The following C9orf152 variants were observed in gnomAD, a reference collection of about 807,000 sequenced individuals.
C9orf152 encodes the protein chromosome 9 open reading frame 152.
In C9orf152, 8 loss-of-function variants were observed where a neutral mutation model predicts 8.5. The observed-to-expected ratio is 0.94, with a 90% CI of 0.55 to 1.70. C9orf152 has a LOEUF of 1.70. C9orf152 is among the 40% of genes most tolerant of loss of function. The pLI is 0.00. For synonymous variants in C9orf152, 109 were observed against 113.0 expected, an observed-to-expected ratio of 0.96 and a Z score of 0.22; for missense variants, 293 against 286.2, an observed-to-expected ratio of 1.02 and a Z score of -0.17.
In C9orf152 at chr9:110,201,431, A is replaced by G. The variant is rs1338046390; in HGVS notation, c.237T>C (p.Val79=). The part of the protein sequence containing the change: ...PAPAESMVNA[V]WINKERRSSL... ...AGCTTCTTCTCTCCTTGTTAATCCA[A>G]ACAGCATTGACCATCGATTCTGCAG... The change falls in exon 2 of 2, where the codon GTT becomes GTC. Residue 79 remains valine, a synonymous_variant. Coordinates refer to ENST00000400613, the MANE Select transcript of C9orf152 (RefSeq NM_001012993.3). 3 of 1,534,646 alleles carry G rather than the reference A, an allele frequency of 2.0e-6. No homozygotes were observed. The South Asian group carries it at 3.9e-5, about 20-fold the overall frequency.
intron 1 of C9orf152, 69 bp from the exon 2 acceptor site, chr9:110,201,543 CAT>C: frequency 7.5e-7 from 1 of 1,333,262 alleles, no homozygotes; most frequent in Non-Finnish European, 1.0e-6. Context: ...TAGGGGGTCT[CAT>C]TGCTTTCAAG....
At chr9:110,207,123 C>A (rs147185474) in intron 1 of C9orf152, among the ~76,000 whole-genome samples, 133 of 152,358 alleles carry the variant, frequency 8.7e-4, no homozygotes, top group Non-Finnish European at 1.5e-3. Context: ...GGGGGCCAAG[C>A]CTGGCTCACC....
Position 110,200,920 on chromosome 9 carries a change from G to T in C9orf152, c.*28C>A. ...CTATAAGGCCATAGGTGGCCTCAAG[G>T]TCAAGACATCTGGCAGAATAGAAAG... On this transcript the variant is annotated 3_prime_UTR_variant, in exon 2 of 2. Transcript: ENST00000400613. 1.9e-6 allele frequency: 3 copies of T among 1,565,506 alleles called. No homozygotes were observed. The highest frequency in any genetic ancestry group is 2.6e-6 in the Non-Finnish European group (3 of 1,160,228).
intron 1 of C9orf152, among the ~76,000 whole-genome samples, chr9:110,202,330 G>T (rs990174263): frequency 6.6e-6 from 1 of 152,162 alleles, no homozygotes; most frequent in Non-Finnish European, 1.5e-5. Context: ...TGATCCGCCC[G>T]CCTCAGACTC....
chr9:110,201,228 G>A lies in C9orf152; in HGVS notation c.440C>T (p.Ser147Phe), dbSNP rs749079859. 2 of 1,614,102 alleles carry A rather than the reference G, an allele frequency of 1.2e-6. No homozygotes were observed. Among genetic ancestry groups the A allele is most frequent in the Non-Finnish European group, 8.5e-7 (1 of 1,180,030 alleles). ...TCCTTCAGGAGGGAGCCTTTGATCA[G>A]ATCCCACAAGCTTGCCCCTATGATG... ...QVHHRGKLVG[S>F]DQRLPPEGDT... The change falls in exon 2 of 2, where the codon TCT (serine) becomes TTT (phenylalanine). Residue 147 changes from serine to phenylalanine, a missense_variant. By Grantham distance (155) the Ser-to-Phe change is radical (BLOSUM62 -2). Coordinates refer to ENST00000400613, the MANE Select transcript of C9orf152 (RefSeq NM_001012993.3).
In C9orf152 at chr9:110,201,482, G is replaced by A. The variant is rs765206256; in HGVS notation, c.194-8C>T. Reference sequence around the variant, plus strand: ...GAGCAGGTGTGTTTCCTCCTGAAAAGAGAATGCACCAGCAGGGTCATCACT... The same window carrying A: ...GAGCAGGTGTGTTTCCTCCTGAAAAAAGAATGCACCAGCAGGGTCATCACT... On this transcript the variant is annotated splice_polypyrimidine_tract_variant and splice_region_variant and intron_variant, in intron 1 of 1. Transcript: ENST00000400613. 2.7e-6 allele frequency: 4 copies of A among 1,503,760 alleles called. No individual in the cohort carries two copies. The highest frequency in any genetic ancestry group is 4.6e-5 in the Admixed American group (2 of 43,936). 93.2% of individuals were successfully genotyped at this position (1,503,760 alleles called of 1,614,324 possible).
chr9:110,207,600 A>C lies in C9orf152; in HGVS notation c.-21T>G, dbSNP rs1450265647. 6.4e-7 allele frequency: 1 copy of C among 1,560,390 alleles called. No individual in the cohort carries two copies. Among genetic ancestry groups the C allele is most frequent in the Non-Finnish European group, 8.6e-7 (1 of 1,156,786 alleles). ...TCCATCCGGATCCGGGAGAAAAGCA[A>C]ACACAGCTGGGTGGGGCAGGACCTG... On this transcript the variant is annotated 5_prime_UTR_variant, in exon 1 of 2. Transcript: ENST00000400613.
Position 110,200,885 on chromosome 9 carries a change from C to T in C9orf152, c.*63G>A. The stretch of plus-strand genomic sequence containing the variant: ...AGAGACCTCGTTGTGGCTCTGCCTC[C>T]TTGGTTCTTCTATAAGGCCATAGGT... On this transcript the variant is annotated 3_prime_UTR_variant, in exon 2 of 2. Transcript: ENST00000400613. 5 of 1,500,270 alleles carry T rather than the reference C, an allele frequency of 3.3e-6. No individual in the cohort carries two copies. The highest frequency in any genetic ancestry group is 2.3e-5 in the East Asian group (1 of 44,212). The allele number at this position is 1,500,270 out of a possible 1,614,324, so 92.9% of individuals were successfully genotyped here. A position where few individuals can be genotyped will look rare whatever the true frequency, so the allele number is the denominator to read the frequency against.
chr9:110,200,757 C>T lies in C9orf152; in HGVS notation c.*191G>A, dbSNP rs1221709250. 3.3e-6 allele frequency: 2 copies of T among 609,666 alleles called. No individual in the cohort carries two copies. Among genetic ancestry groups the T allele is most frequent in the Non-Finnish European group, 5.6e-6 (2 of 358,722 alleles). 37.8% of individuals were successfully genotyped at this position (609,666 alleles called of 1,614,324 possible). ...CATCCTAAACTGTGGGCAATTTGGCCTGGGAAGTCTCTTCTTATTGGAAGG... is the reference window on the plus strand; with the variant it reads ...CATCCTAAACTGTGGGCAATTTGGCTTGGGAAGTCTCTTCTTATTGGAAGG... On this transcript the variant is annotated 3_prime_UTR_variant, in exon 2 of 2. Transcript: ENST00000400613.
chr9:110,207,647 G>A lies in C9orf152; in HGVS notation c.-68C>T. 2 of 1,218,040 alleles carry A rather than the reference G, an allele frequency of 1.6e-6. No homozygotes were observed. The highest frequency in any genetic ancestry group is 2.2e-6 in the Non-Finnish European group (2 of 898,714). The allele number at this position is 1,218,040 out of a possible 1,614,324, so 75.5% of individuals were successfully genotyped here. A position where few individuals can be genotyped will look rare whatever the true frequency, so the allele number is the denominator to read the frequency against. ...CCTGGGGAGGGGAGAGAGAGGGAGGGGGCAGTGAGGGAGAAGGAGAAGTGA... is the reference window on the plus strand; with the variant it reads ...CCTGGGGAGGGGAGAGAGAGGGAGGAGGCAGTGAGGGAGAAGGAGAAGTGA... On this transcript the variant is annotated 5_prime_UTR_variant, in exon 1 of 2. Transcript: ENST00000400613.
At chr9:110,206,014 AC>A (rs1248064163) in intron 1 of C9orf152, among the ~76,000 whole-genome samples, 1 of 150,382 alleles carries the variant, frequency 6.6e-6, no homozygotes, top group Non-Finnish European at 1.5e-5. Flanking sequence ...CCGAGATTGC[AC>A]CCCACTGCAC....
Position 110,208,120 on chromosome 9 carries a change from G to A in C9orf152, c.-541C>T, listed in dbSNP as rs1837298634. The A allele has an allele frequency of 6.5e-6, 1 of 153,310 alleles. No homozygotes were observed. Among genetic ancestry groups the A allele is most frequent in the African/African-American group, 2.4e-5 (1 of 41,432 alleles). The allele number at this position is 153,310 out of a possible 1,614,324, so 9.5% of individuals were successfully genotyped here. ...TAAAGTTTAGAATCCAATTCCCAGT[G>A]CCACGGTGAAGTCTCCCCTTTCCTG... On this transcript the variant is annotated 5_prime_UTR_variant, in exon 1 of 2. Transcript: ENST00000400613.
At chr9:110,203,700 T>C (rs1403949647) in intron 1 of C9orf152, among the ~76,000 whole-genome samples, 1 of 152,138 alleles carries the variant, frequency 6.6e-6, no homozygotes, top group Non-Finnish European at 1.5e-5. Flanking sequence ...TTTGTTTTGG[T>C]TTTGGTAAGT....
intron 1 of C9orf152, among the ~76,000 whole-genome samples, chr9:110,202,183 C>T (rs1312607850): frequency 2.0e-5 from 3 of 152,096 alleles, no homozygotes; most frequent in Admixed American, 6.6e-5. Flanking sequence ...TGGGTTCAAG[C>T]GATTCTCCTG....
At chr9:110,204,279 C>T (rs765605707) in intron 1 of C9orf152, among the ~76,000 whole-genome samples, 3 of 152,212 alleles carry the variant, frequency 2.0e-5, no homozygotes, top group Admixed American at 6.5e-5. Context: ...TGGGTACTTA[C>T]GTTGCATCAG....
chr9:110,206,207 G>A (rs898353598), intron 1 of C9orf152, among the ~76,000 whole-genome samples: 41 of 152,072 alleles, frequency 2.7e-4, no homozygotes, highest in African/African-American at 9.9e-4. Context: ...GATGGGAAAG[G>A]GGGTACCGAG....
At chr9:110,203,525 G>A (rs947031022) in intron 1 of C9orf152, among the ~76,000 whole-genome samples, 6 of 152,138 alleles carry the variant, frequency 3.9e-5, no homozygotes, top group African/African-American at 1.4e-4. Context: ...GAGATACACA[G>A]GGACCCCACC....
chr9:110,207,332 C>A, intron 1 of C9orf152, 55 bp downstream of exon 1: 1 of 1,565,636 alleles, frequency 6.4e-7, no homozygotes, highest in Non-Finnish European at 8.7e-7. Context: ...TGCAGCTCTG[C>A]CACTCAGGTC....
chr9:110,201,908 A>G (rs961729003), intron 1 of C9orf152, among the ~76,000 whole-genome samples: 2 of 152,160 alleles, frequency 1.3e-5, no homozygotes, highest in African/African-American at 4.8e-5. Context: ...CAAACACTGA[A>G]GTGGAGGAGT....
Sources: allele counts gnomAD v4.1 joint callset (sites outside exome capture counted in the v4.1 genomes callset), GRCh38; gene constraint gnomAD v4.1.1; transcripts MANE v1.5; gene names NCBI Gene and HGNC (gene_info 2026-07-23, HGNC 2026-07-21).